Variants in MAP4 observed in about 807,000 individuals in gnomAD.
MAP4 encodes microtubule-associated protein 4.
Under a neutral mutation model 170.2 loss-of-function variants are expected in MAP4, and 76 were observed. The ratio of observed to expected loss-of-function variants is 0.45; its 90% CI spans 0.37 to 0.54. The LOEUF (loss-of-function observed/expected upper bound fraction) is 0.54, where lower values mean the gene tolerates loss of function less well. Ranked by LOEUF, MAP4 falls within the 20% of genes least tolerant of loss-of-function variation. The pLI is 0.00. For missense variants in MAP4, 2,506 were observed against 2,748.0 expected, an observed-to-expected ratio of 0.91 and a Z score of 1.97; for synonymous variants, 909 against 994.5, an observed-to-expected ratio of 0.91 and a Z score of 1.62.
intron 3 of MAP4, chr3:47,973,610 T>A: frequency 3.0e-6 from 3 of 984,942 alleles, no homozygotes; most frequent in Non-Finnish European, 3.6e-6. Context: ...CATAACCAAA[T>A]GGAAATAAAA....
intron 10 of MAP4, among the ~76,000 whole-genome samples, chr3:47,887,198 G>A (rs1472351499): frequency 6.6e-6 from 1 of 152,240 alleles, no homozygotes; most frequent in Non-Finnish European, 1.5e-5. Flanking sequence ...TTGCAGGGAG[G>A]TGTGGAAGGA....
At chr3:47,939,673 T>C (rs2100055068) in intron 3 of MAP4, among the ~76,000 whole-genome samples, 1 of 151,898 alleles carries the variant, frequency 6.6e-6, no homozygotes, top group Non-Finnish European at 1.5e-5. Context: ...ATTCTGCTTA[T>C]ATTTCTTACT....
intron 10 of MAP4, among the ~76,000 whole-genome samples, chr3:47,900,035 ATT>A (rs2100029172): frequency 6.6e-6 from 1 of 152,158 alleles, no homozygotes; most frequent in Admixed American, 6.5e-5. Flanking sequence ...GTTTCTCTGC[ATT>A]CTTTCTTATC....
intron 3 of MAP4, among the ~76,000 whole-genome samples, chr3:47,951,562 G>T (rs1213692464): frequency 6.6e-6 from 1 of 152,206 alleles, no homozygotes; most frequent in Admixed American, 6.5e-5. Context: ...GTGTTGGCCG[G>T]GCTGGTCTCC....
chr3:47,887,469 C>T (rs543687872), intron 10 of MAP4, among the ~76,000 whole-genome samples: 5 of 152,360 alleles, frequency 3.3e-5, no homozygotes, highest in South Asian at 2.1e-4. Flanking sequence ...ACCTGCAGCC[C>T]GCCATGCCTC....
chr3:48,077,295 G>A (rs2100144416), intron 1 of MAP4, among the ~76,000 whole-genome samples: 2 of 151,960 alleles, frequency 1.3e-5, no homozygotes, highest in South Asian at 2.1e-4. Context: ...TACAAAATTA[G>A]CCGGGCATGG....
In MAP4 at chr3:47,929,559, T is replaced by C. The variant is rs2100048144; in HGVS notation, c.293-1209A>G. 2.4e-5 allele frequency among the ~76,000 whole-genome samples: 3 copies of C among 125,482 alleles called. 1 individual carries two copies. Among genetic ancestry groups the C allele is most frequent in the African/African-American group, 6.1e-5 (2 of 32,812 alleles). 82.3% of individuals were successfully genotyped at this position (125,482 alleles called of 152,430 possible). ...CAGAAACAATTGGACACTGACCACA[T>C]ACCATATGCAAAAGTTAACTCCAAA... On this transcript the variant is annotated intron_variant, in intron 3 of 20. Transcript: ENST00000683076.
At position 48,064,289 on chromosome 3, in the gene MAP4, A is replaced by G. The variant is rs144224557; in HGVS notation, c.-20+24484T>C. Among the ~76,000 whole-genome samples the G allele has an allele frequency of 4.0e-3, 615 of 152,250 alleles. 7 individuals are homozygous for G. The highest frequency in any genetic ancestry group is 0.014 in the African/African-American group (596 of 41,532). ...AGATATTTTGCAGACCCTATATTCA[A>G]TGGATTAGCTGGCACCACCCAGACT... On this transcript the variant is annotated intron_variant, in intron 1 of 18. Transcript: ENST00000360240.
At chr3:48,057,679 TATGGCCTAGCAACTGTACTCCTAGGCA>T in intron 1 of MAP4, among the ~76,000 whole-genome samples, 1 of 147,228 alleles carries the variant, frequency 6.8e-6, no homozygotes, top group Non-Finnish European at 1.5e-5. Context: ...GCGACTACCA[TATGGCCTAGCAACTGTACTCCTAGGCA>T]AACTGCCGAA....
At chr3:47,866,206 G>A (rs187941216) in intron 17 of MAP4, among the ~76,000 whole-genome samples, 9 of 152,010 alleles carry the variant, frequency 5.9e-5, no homozygotes, top group East Asian at 1.9e-4. Flanking sequence ...GCGTGGTGGC[G>A]CATGCCTGTA....
intron 1 of MAP4, among the ~76,000 whole-genome samples, chr3:48,004,797 G>C (rs2100101288): frequency 6.6e-6 from 1 of 152,064 alleles, no homozygotes; most frequent in Non-Finnish European, 1.5e-5. Flanking sequence ...TTTTTTGCCA[G>C]AAGGAACAGC....
At chr3:48,025,934 A>AATAATAATG (rs1180981751) in intron 1 of MAP4, among the ~76,000 whole-genome samples, 1 of 148,160 alleles carries the variant, frequency 6.7e-6, no homozygotes, top group Admixed American at 6.8e-5. Context: ...TAATAATAAT[A>AATAATAATG]ATAACAATAA....
chr3:48,011,510 G>A (rs920565019), intron 1 of MAP4, among the ~76,000 whole-genome samples: 3 of 150,154 alleles, frequency 2.0e-5, no homozygotes, highest in South Asian at 2.1e-4. Flanking sequence ...CCAAGATCAC[G>A]CCACTGCACT....
At chr3:47,876,445 TAA>T in intron 11 of MAP4, among the ~76,000 whole-genome samples, 1 of 152,338 alleles carries the variant, frequency 6.6e-6, no homozygotes, top group Non-Finnish European at 1.5e-5. Flanking sequence ...AATAGTTTCT[TAA>T]TGATAGTGGC....
intron 10 of MAP4, chr3:47,891,735 G>T: frequency 6.5e-7 from 1 of 1,536,700 alleles, no homozygotes; most frequent in Non-Finnish European, 8.7e-7. Flanking sequence ...ATAGTGATTG[G>T]CGGAATGGTG....
At chr3:47,987,452 A>G (rs2100089432) in intron 2 of MAP4, 3 of 1,496,106 alleles carry the variant, frequency 2.0e-6, no homozygotes, top group Non-Finnish European at 8.9e-7. Context: ...GAAAGGGAAC[A>G]GAAGTCAGGG....
intron 3 of MAP4, among the ~76,000 whole-genome samples, chr3:47,955,449 C>T (rs912630843): frequency 6.7e-6 from 1 of 148,234 alleles, no homozygotes; most frequent in Non-Finnish European, 1.5e-5. Context: ...CACACACACA[C>T]ACACACACAC....
chr3:47,975,277 C>T, intron 3 of MAP4: 1 of 1,460,886 alleles, frequency 6.8e-7, no homozygotes, highest in Non-Finnish European at 9.1e-7. Flanking sequence ...CAAGAGGAAG[C>T]AGGTTGTTTG....
At position 47,910,104 on chromosome 3, in the gene MAP4, GGCT is replaced by G; in HGVS notation, c.4314_4316del (p.Ala1439del). On this transcript the variant is annotated inframe_deletion, in exon 9 of 21. Coordinates refer to ENST00000683076, the MANE Select transcript of MAP4 (RefSeq NM_001385682.1). The stretch of plus-strand genomic sequence containing the variant: ...GAGTAGGAGTGGGCAGTTTTTCACA[GGCT>G]GCTGATTCCAGAACCTCTAGAGGAG... 6.2e-7 allele frequency: 1 copy of G among 1,613,930 alleles called. No individual in the cohort carries two copies. Among genetic ancestry groups the G allele is most frequent in the Non-Finnish European group, 8.5e-7 (1 of 1,179,860 alleles).
Sources: gnomAD v4.1 joint callset for allele counts (sites outside exome capture counted in the v4.1 genomes callset) on GRCh38, gnomAD v4.1.1 for gene constraint, MANE v1.5 for transcripts, NCBI Gene and HGNC (gene_info 2026-07-23, HGNC 2026-07-21) for gene names.